Variants in PKD2 observed in about 807,000 individuals in gnomAD.
PKD2 encodes the protein polycystin 2, transient receptor potential cation channel, also known as polycystin-2.
PKD2 carries 48 observed loss-of-function variants against 105.9 expected under a neutral mutation model. That is an observed-to-expected ratio of 0.45 (90% CI 0.36 to 0.58). PKD2 has a LOEUF of 0.58. Ranked by LOEUF, PKD2 falls within the 20% of genes least tolerant of loss-of-function variation. The pLI, the probability that PKD2 is intolerant of heterozygous loss-of-function variation, is 0.00. For synonymous variants in PKD2, 464 were observed against 481.1 expected, an observed-to-expected ratio of 0.96 and a Z score of 0.46; for missense variants, 1,078 against 1,255.3, an observed-to-expected ratio of 0.86 and a Z score of 2.13.
At chr4:88,046,509 C>T (rs563888218) in intron 5 of PKD2, 133 bp from the exon 6 acceptor site, 34 of 707,056 alleles carry the variant, frequency 4.8e-5, no homozygotes, top group East Asian at 3.4e-4. Context: ...AATGTTTTGC[C>T]GCTAGTTTGG....
intron 2 of PKD2, among the ~76,000 whole-genome samples, chr4:88,033,504 G>T (rs1281667075): frequency 6.6e-6 from 1 of 151,946 alleles, no homozygotes; most frequent in African/African-American, 2.4e-5. Context: ...CCAGCAGATG[G>T]TGCTACATAA....
At position 88,038,537 on chromosome 4, in the gene PKD2, T is replaced by C. The variant is rs377409436; in HGVS notation, c.1094+36T>C. 264 of 1,608,172 alleles carry C rather than the reference T, an allele frequency of 1.6e-4. 2 individuals are homozygous for C. The highest frequency in any genetic ancestry group is 5.0e-5 in the Admixed American group (3 of 59,984). On this transcript the variant is annotated intron_variant, in intron 4 of 14. Transcript: ENST00000237596. ...GTGACTCATTGCCACTCGGTGATAT[T>C]CATTCATTTATTCTCTGAACTCCCA...
chr4:88,022,917 C>A (rs1436762105), intron 2 of PKD2, among the ~76,000 whole-genome samples: 1 of 151,888 alleles, frequency 6.6e-6, no homozygotes, highest in African/African-American at 2.4e-5. Context: ...CCCCTCTCTG[C>A]AAAAAATACA....
chr4:88,056,199 G>A lies in PKD2; in HGVS notation c.1830G>A (p.Ala610=), dbSNP rs144968710. ...TTATGTTCTTCATTATTTTCCTAGC[G>A]TATGCTCAGTTGGCATACCTTGTCT... ...FAIMFFIIFL[A]YAQLAYLVFG... Residue 610 remains alanine (A), a synonymous_variant, in exon 8 of 15, where the codon GCG becomes GCA. Transcript: ENST00000237596. 954 of 1,613,456 alleles carry A rather than the reference G, an allele frequency of 5.9e-4. 1 individual carries two copies. Among genetic ancestry groups the A allele is most frequent in the Middle Eastern group, 2.5e-3 (15 of 6,060 alleles).
intron 13 of PKD2, 59 bp from the exon 14 acceptor site, chr4:88,074,753 G>GT: frequency 6.3e-7 from 1 of 1,591,866 alleles, no homozygotes; most frequent in Non-Finnish European, 8.6e-7. Context: ...TGAAAAGCCA[G>GT]TGGGGCTGAA....
At chr4:88,028,488 C>T (rs1326032573) in intron 2 of PKD2, among the ~76,000 whole-genome samples, 1 of 152,220 alleles carries the variant, frequency 6.6e-6, no homozygotes, top group Non-Finnish European at 1.5e-5. Context: ...GAGGGCTCCT[C>T]GCCCTTTCTG....
chr4:88,022,784 T>C (rs1274478037), intron 2 of PKD2, among the ~76,000 whole-genome samples: 2 of 152,158 alleles, frequency 1.3e-5, no homozygotes, highest in African/African-American at 4.8e-5. Flanking sequence ...CTGGGTAATT[T>C]ATAAAAAAAG....
rs772477351 is a variant in PKD2 at position 88,065,779 on chromosome 4, CAG to C, written c.2262_2263del (p.Glu754AspfsTer2). 1 of 1,610,826 alleles carries C rather than the reference CAG, an allele frequency of 6.2e-7. No individual in the cohort carries two copies. The highest frequency in any genetic ancestry group is 1.1e-5 in the South Asian group (1 of 91,000). On this transcript the variant is annotated frameshift_variant, in exon 12 of 15. Transcript: ENST00000237596. LOFTEE classifies it high-confidence loss of function. ...AATTTCAGGAAGGGCCATACTGATG[CAG>C]AGATTGAGGCAATATTCACAAAGTA...
At chr4:88,040,105 T>C (rs994036085) in intron 4 of PKD2, among the ~76,000 whole-genome samples, 3 of 152,172 alleles carry the variant, frequency 2.0e-5, no homozygotes, top group African/African-American at 7.2e-5. Flanking sequence ...AACTCTAAAA[T>C]AGGTATCACC....
At position 88,061,918 on chromosome 4, in the gene PKD2, G is replaced by T; in HGVS notation, c.2032G>T (p.Ala678Ser). The T allele has an allele frequency of 6.6e-7, 1 of 1,518,574 alleles. No homozygotes were observed. Among genetic ancestry groups the T allele is most frequent in the Non-Finnish European group, 9.1e-7 (1 of 1,093,828 alleles). The allele number at this position is 1,518,574 out of a possible 1,614,324, so 94.1% of individuals were successfully genotyped here. A position where few individuals can be genotyped will look rare whatever the true frequency, so the allele number is the denominator to read the frequency against. ...MFFILLNMFL[A>S]IINDTYSEVK... ...CATTTACAAACAGAATATGTTTTTG[G>T]CTATCATCAATGATACTTACTCTGA... Residue 678 changes from alanine to serine, a missense_variant, in exon 10 of 15, where the codon GCT (alanine) becomes TCT (serine). Coordinates refer to ENST00000237596, the MANE Select transcript of PKD2 (RefSeq NM_000297.4).
At chr4:88,049,223 C>T (rs2725211) in intron 6 of PKD2, among the ~76,000 whole-genome samples, 12,306 of 152,190 alleles carry the variant, frequency 0.081, 709 homozygotes, top group East Asian at 0.25. Flanking sequence ...CAGGTACATC[C>T]GTAAAACATA....
At chr4:88,045,555 G>A (rs1727735596) in intron 5 of PKD2, among the ~76,000 whole-genome samples, 1 of 152,180 alleles carries the variant, frequency 6.6e-6, no homozygotes, top group Non-Finnish European at 1.5e-5. Context: ...GCTTTTAAAT[G>A]TCTCAAAATG....
chr4:88,075,474 G>T lies in PKD2; in HGVS notation c.2687G>T (p.Arg896Leu), dbSNP rs143500495. Residue 896 changes from arginine to leucine, a missense_variant, in exon 15 of 15, where the codon CGT (arginine) becomes CTT (leucine). Physicochemically the swap from Arg to Leu is moderately radical, Grantham distance 102. Transcript: ENST00000237596. ...DGVAEDERLG[R>L]DSEIHREQME... ...CCTTTTTAGGATGAAAGGCTGGGTC[G>T]TGACAGTGAAATCCATAGGGAACAG... The T allele has an allele frequency of 1.2e-6, 2 of 1,613,724 alleles. No homozygotes were observed.
At chr4:88,042,471 G>T (rs1382050618) in intron 4 of PKD2, among the ~76,000 whole-genome samples, 5 of 152,018 alleles carry the variant, frequency 3.3e-5, no homozygotes, top group Admixed American at 3.3e-4. Flanking sequence ...GTTTGGTTGG[G>T]GACACAGCCA....
At chr4:88,038,190 G>A (rs1252489499) in intron 3 of PKD2, 61 bp from the exon 4 acceptor site, 6 of 1,579,780 alleles carry the variant, frequency 3.8e-6, no homozygotes, top group Non-Finnish European at 4.3e-6. Flanking sequence ...AAACGATGCA[G>A]GCAGGGGCAA....
chr4:88,038,321 A>G lies in PKD2; in HGVS notation c.914A>G (p.Asn305Ser), dbSNP rs1727416682. ...MQPSNQTEAD[N>S]RSFIFYENLL... ...CCCAGCAACCAGACTGAAGCTGACA[A>G]CCGAAGTTTCATCTTCTATGAGAAC... Residue 305 changes from asparagine to serine, a missense_variant, in exon 4 of 15, where the codon AAC becomes AGC. Asn to Ser is a conservative substitution (Grantham distance 46, BLOSUM62 1). This residue lies in a region of PKD2 where 868 missense variants were observed against 1,067.3 expected (regional missense o/e 0.81). Transcript: ENST00000237596. 10 of 1,613,716 alleles carry G rather than the reference A, an allele frequency of 6.2e-6. No individual in the cohort carries two copies. Among genetic ancestry groups the G allele is most frequent in the African/African-American group, 1.3e-5 (1 of 74,914 alleles).
At chr4:88,042,058 A>C (rs968265037) in intron 4 of PKD2, among the ~76,000 whole-genome samples, 15 of 152,298 alleles carry the variant, frequency 9.8e-5, no homozygotes, top group African/African-American at 2.9e-4. Flanking sequence ...TCTTTATCTT[A>C]TGGGAGCCAA....
chr4:88,026,306 T>TGG (rs1726956463), intron 2 of PKD2, among the ~76,000 whole-genome samples: 1 of 152,206 alleles, frequency 6.6e-6, no homozygotes, highest in East Asian at 1.9e-4. Flanking sequence ...ACGTCACTCT[T>TGG]ACATGTTTTA....
intron 9 of PKD2, among the ~76,000 whole-genome samples, chr4:88,058,595 C>T (rs927408759): frequency 2.6e-5 from 4 of 151,980 alleles, no homozygotes; most frequent in Non-Finnish European, 4.4e-5. Context: ...TCTAAGATGT[C>T]GAGTAATAGT....
Sources: gnomAD v4.1 joint callset for allele counts (sites outside exome capture counted in the v4.1 genomes callset) on GRCh38, gnomAD v4.1.1 for gene constraint, gnomAD v4.1.1 regional missense constraint, MANE v1.5 for transcripts, NCBI Gene and HGNC (gene_info 2026-07-23, HGNC 2026-07-21) for gene names.